The following DPF1 variants were observed in gnomAD, a reference collection of about 807,000 sequenced individuals.
DPF1 encodes double PHD fingers 1.
A neutral mutation model predicts 58.7 loss-of-function variants in DPF1; 14 were observed. The observed-to-expected ratio is 0.24, with a 90% CI of 0.16 to 0.37. DPF1 has a LOEUF of 0.37. Ranked by LOEUF, DPF1 falls within the 10% of genes least tolerant of loss-of-function variation. DPF1 has a pLI of 1.00. For synonymous variants in DPF1, 216 were observed against 216.0 expected (o/e 1.00, Z 0.00); for missense variants, 345 against 529.9 (o/e 0.65, Z 3.43).
upstream of DPF1, among the ~76,000 whole-genome samples, chr19:38,225,782 A>C (rs1464850589): frequency 6.6e-6 from 1 of 150,814 alleles, no homozygotes; most frequent in African/African-American, 2.4e-5. Context: ...CCAGCTACTC[A>C]GGAGGCTGAG....
chr19:38,216,941 ACTC>A (rs1967063789), intron 7 of DPF1, among the ~76,000 whole-genome samples: 1 of 151,878 alleles, frequency 6.6e-6, no homozygotes, highest in South Asian at 2.1e-4. Context: ...CGGAAGAAAA[ACTC>A]CGAACACTGA....
At chr19:38,212,234 G>T in intron 11 of DPF1, 46 bp downstream of exon 11, 1 of 1,327,528 alleles carries the variant, frequency 7.5e-7, no homozygotes, top group Non-Finnish European at 1.0e-6. Context: ...CCAGGAGATG[G>T]CGTTCCCACC....
chr19:38,213,582 G>T, intron 10 of DPF1, 62 bp downstream of exon 10: 1 of 1,442,114 alleles, frequency 6.9e-7, no homozygotes, highest in Non-Finnish European at 9.7e-7. Flanking sequence ...GGCTTAAGGG[G>T]CAGAGGTGGA....
At chr19:38,215,679 CG>C (rs1189637578) in intron 9 of DPF1, among the ~76,000 whole-genome samples, 3 of 152,176 alleles carry the variant, frequency 2.0e-5, no homozygotes, top group African/African-American at 2.4e-5. Context: ...AGGGAGCCTC[CG>C]GCCTCAGCCT....
chr19:38,222,235 G>T lies in DPF1; in HGVS notation c.298+122C>A. 2 of 866,192 alleles carry T rather than the reference G, an allele frequency of 2.3e-6. No individual in the cohort carries two copies. Among genetic ancestry groups the T allele is most frequent in the Non-Finnish European group, 3.6e-6 (2 of 560,710 alleles). The allele number at this position is 866,192 out of a possible 1,614,324, so 53.7% of individuals were successfully genotyped here. A position where few individuals can be genotyped will look rare whatever the true frequency, so the allele number is the denominator to read the frequency against. On this transcript the variant is annotated intron_variant, in intron 3 of 11. Transcript: ENST00000355526. The surrounding 1 kb of genome is among the most constrained non-coding windows in gnomAD (Gnocchi z 4.9). ...CTGGGAAACACCCGGGACGCACATG[G>T]GCAGACAGACACACAGCCAGCCAGG... is the stretch of plus-strand genomic sequence containing the variant.
At chr19:38,221,874 G>C (rs1038811384) in intron 3 of DPF1, among the ~76,000 whole-genome samples, 3 of 152,070 alleles carry the variant, frequency 2.0e-5, no homozygotes, top group Non-Finnish European at 4.4e-5. Flanking sequence ...CTGAGGTCAG[G>C]AGTTCCAGAC....
intron 9 of DPF1, among the ~76,000 whole-genome samples, chr19:38,214,951 TCA>T (rs2146132767): frequency 6.8e-6 from 1 of 147,266 alleles, no homozygotes; most frequent in Admixed American, 6.9e-5. Context: ...TTCTCCTGCC[TCA>T]GCCTCCGGAG....
At chr19:38,213,943 C>G in intron 9 of DPF1, 187 bp from the exon 10 acceptor site, 2 of 580,076 alleles carry the variant, frequency 3.4e-6, no homozygotes, top group Non-Finnish European at 6.2e-6. Context: ...CCGGCCACCA[C>G]AGTCTCCTAC....
Position 38,217,821 on chromosome 19 carries a change from C to T in DPF1, c.572G>A (p.Arg191Gln), listed in dbSNP as rs771065602. 1.9e-6 allele frequency: 3 copies of T among 1,614,124 alleles called. No individual in the cohort carries two copies. The highest frequency in any genetic ancestry group is 2.2e-5 in the South Asian group (2 of 91,066). ...ACTATCACAGACATACGGCTTGTCTCGGTCCTCCAGGGAAGCGGTGTCCTG... is the reference window on the plus strand; with the variant it reads ...ACTATCACAGACATACGGCTTGTCTTGGTCCTCCAGGGAAGCGGTGTCCTG... Reference protein sequence around the residue: ...KRQDTASLEDRDKPYVCDICG... With the variant: ...KRQDTASLEDQDKPYVCDICG... The change falls in exon 6 of 12, where the codon CGA becomes CAA. Residue 191 changes from arginine (R) to glutamine (Q), a missense_variant. Arg to Gln is a conservative substitution (Grantham distance 43). Transcript: ENST00000355526.
rs1490981063 is a variant in DPF1 at position 38,211,343 on chromosome 19, G to C, written c.*720C>G. The C allele has an allele frequency of 6.6e-6, 1 of 152,356 alleles. No homozygotes were observed. Among genetic ancestry groups the C allele is most frequent in the Non-Finnish European group, 1.5e-5 (1 of 68,158 alleles). The allele number at this position is 152,356 out of a possible 1,614,324, so 9.4% of individuals were successfully genotyped here. On this transcript the variant is annotated 3_prime_UTR_variant, in exon 12 of 12. Transcript: ENST00000355526. This position sits in a 1 kb window ranked among gnomAD's most constrained non-coding sequence, Gnocchi z 4.0. ...CTTCTCATTCCAGCAGGCGCTGGGC[G>C]GGGGCCCACCCGGCCCCACCACCGC...
upstream of DPF1, chr19:38,224,319 C>A: frequency 8.0e-7 from 1 of 1,248,802 alleles, no homozygotes; most frequent in South Asian, 3.4e-5. The surrounding 1 kb of genome is among the most constrained non-coding windows in gnomAD (Gnocchi z 4.5). Context: ...TAGTCCCAGG[C>A]CAGGGGGCCC....
At chr19:38,217,395 C>CCCCCCAGG in intron 7 of DPF1, 65 bp downstream of exon 7, 1 of 1,150,382 alleles carries the variant, frequency 8.7e-7, no homozygotes, top group Non-Finnish European at 1.2e-6. Context: ...ACCCCCACCC[C>CCCCCCAGG]CAGCTGGGCT....
At chr19:38,228,476 G>A (rs546883318), upstream of DPF1, among the ~76,000 whole-genome samples, 243 of 151,946 alleles carry the variant, frequency 1.6e-3, no homozygotes, top group Middle Eastern at 3.4e-3. Context: ...AAGGGTGGGG[G>A]AGGTCGCCCC....
Position 38,222,660 on chromosome 19 carries a change from G to A in DPF1, c.78C>T (p.Tyr26=), listed in dbSNP as rs561177756. Residue 26 remains tyrosine (Y), a synonymous_variant, in exon 2 of 12, where the codon TAC becomes TAT. Coordinates refer to ENST00000355526, the MANE Select transcript of DPF1 (RefSeq NM_001135155.3). The surrounding 1 kb of genome is among the most constrained non-coding windows in gnomAD (Gnocchi z 4.9). The stretch of plus-strand genomic sequence containing the variant: ...TGCGCTCGGCGCACAGGCGCGCGTT[G>A]TAACTGCGGCAGTGCTCGATGGCCT... The part of the protein sequence containing the change: ...YREAIEHCRS[Y]NARLCAERSL... 8.7e-6 allele frequency: 14 copies of A among 1,608,428 alleles called. No homozygotes were observed. In the Admixed American group the frequency reaches 1.5e-4, roughly 17 times the overall value.
At chr19:38,212,631 G>A (rs1345353938) in intron 10 of DPF1, among the ~76,000 whole-genome samples, 1 of 151,944 alleles carries the variant, frequency 6.6e-6, no homozygotes, top group Non-Finnish European at 1.5e-5. Context: ...TATTTTTAGA[G>A]ACAGGGTCCT....
At chr19:38,221,623 C>T (rs1443417958) in intron 3 of DPF1, among the ~76,000 whole-genome samples, 1 of 152,052 alleles carries the variant, frequency 6.6e-6, no homozygotes, top group African/African-American at 2.4e-5. Context: ...CACCCACACA[C>T]ACCTAACAGA....
intron 10 of DPF1, 42 bp downstream of exon 10, chr19:38,213,602 C>G: frequency 6.4e-7 from 1 of 1,567,110 alleles, no homozygotes; most frequent in Non-Finnish European, 8.7e-7. Flanking sequence ...ACGTGCCAGG[C>G]GGGGCGGGCA....
At position 38,224,014 on chromosome 19, in the gene DPF1, C is replaced by A; in HGVS notation, c.29+100G>T. 1.5e-6 allele frequency: 2 copies of A among 1,367,364 alleles called. No individual in the cohort carries two copies. The highest frequency in any genetic ancestry group is 1.8e-5 in the South Asian group (1 of 56,528). 84.7% of individuals were successfully genotyped at this position (1,367,364 alleles called of 1,614,324 possible). A position where few individuals can be genotyped will look rare whatever the true frequency, so the allele number is the denominator to read the frequency against. On this transcript the variant is annotated intron_variant, in intron 1 of 11. Coordinates refer to ENST00000355526, the MANE Select transcript of DPF1 (RefSeq NM_001135155.3). This position sits in a 1 kb window ranked among gnomAD's most constrained non-coding sequence, Gnocchi z 4.5. ...CGCAGCCCCGCACTCGGTGACAGCC[C>A]CCCAGACACCCCTTCGGCCCCACCC... is the stretch of plus-strand genomic sequence containing the variant.
chr19:38,213,839 C>A (rs530504349), intron 9 of DPF1, 83 bp from the exon 10 acceptor site: 2 of 1,185,664 alleles, frequency 1.7e-6, no homozygotes, highest in African/African-American at 1.5e-5. Flanking sequence ...CATAGCTCAG[C>A]CCCTACCCCT....
Sources: gnomAD v4.1 joint callset for allele counts (sites outside exome capture counted in the v4.1 genomes callset) on GRCh38, gnomAD v4.1.1 for gene constraint, Gnocchi (gnomAD v3.1) non-coding constraint, MANE v1.5 for transcripts, NCBI Gene and HGNC (gene_info 2026-07-23, HGNC 2026-07-21) for gene names.